The following MYO9A variants were observed in gnomAD, a reference collection of about 807,000 sequenced individuals.
MYO9A encodes unconventional myosin-IXa.
MYO9A carries 103 observed loss-of-function variants against 293.3 expected under a neutral mutation model. The observed-to-expected ratio is 0.35, with a 90% CI of 0.30 to 0.41. MYO9A has a LOEUF of 0.41. Ranked by LOEUF, MYO9A falls within the 10% of genes least tolerant of loss-of-function variation. The pLI is 1.00. For synonymous variants in MYO9A, 1,001 were observed against 1,035.7 expected (o/e 0.97, Z 0.64); for missense variants, 2,685 against 3,033.0 (o/e 0.89, Z 2.69).
At chr15:72,097,010 T>C (rs2080085195) in intron 1 of MYO9A, among the ~76,000 whole-genome samples, 1 of 152,234 alleles carries the variant, frequency 6.6e-6, no homozygotes, top group Non-Finnish European at 1.5e-5. Context: ...AGTGGTTTCT[T>C]GAGATAGAAT....
chr15:71,975,641 T>G (rs535950314), intron 12 of MYO9A, among the ~76,000 whole-genome samples: 5 of 152,150 alleles, frequency 3.3e-5, no homozygotes, highest in Admixed American at 1.3e-4. Context: ...TCTAATCTGA[T>G]TGTGAATCAA....
intron 12 of MYO9A, among the ~76,000 whole-genome samples, chr15:71,977,602 T>A (rs1421425726): frequency 1.3e-5 from 2 of 151,908 alleles, no homozygotes; most frequent in East Asian, 3.9e-4. Context: ...AAGCTCAATT[T>A]ACAAAGAAAG....
In MYO9A at chr15:71,999,906, G is replaced by T. The variant is rs770271737; in HGVS notation, c.1415C>A (p.Thr472Lys). 11 of 1,612,494 alleles carry T rather than the reference G, an allele frequency of 6.8e-6. No homozygotes were observed. The highest frequency in any genetic ancestry group is 2.2e-5 in the East Asian group (1 of 44,752). The change falls in exon 9 of 42, where the codon ACA becomes AAA. Residue 472 changes from threonine (T) to lysine (K), a missense_variant. Thr to Lys is a moderately conservative substitution (Grantham distance 78). Transcript: ENST00000356056. Reference protein sequence around the residue: ...KEEMLFEALVTRKTVTVGEKL... With the variant: ...KEEMLFEALVKRKTVTVGEKL... ...TTCTCCCACTGTCACCGTCTTCCTT[G>T]TAACTAATGCTTCAAATAGCATCTC...
At chr15:72,009,432 T>G (rs2077110346) in intron 7 of MYO9A, among the ~76,000 whole-genome samples, 1 of 151,960 alleles carries the variant, frequency 6.6e-6, no homozygotes, top group Non-Finnish European at 1.5e-5. Context: ...AGGTTAAAAA[T>G]TAACAACAGA....
At chr15:71,999,978 A>G (rs1408942500) in intron 8 of MYO9A, 38 bp from the exon 9 acceptor site, 6 of 1,520,276 alleles carry the variant, frequency 3.9e-6, no homozygotes, top group Non-Finnish European at 5.4e-6. Flanking sequence ...TGTAAGATTT[A>G]TGACAATAGG....
At chr15:72,073,212 T>C (rs1180121210) in intron 1 of MYO9A, among the ~76,000 whole-genome samples, 4 of 152,216 alleles carry the variant, frequency 2.6e-5, no homozygotes, top group African/African-American at 9.6e-5. Flanking sequence ...CATTAATACA[T>C]TCACCTCTAA....
At chr15:72,106,599 T>G (rs569258161) in intron 1 of MYO9A, among the ~76,000 whole-genome samples, 46 of 151,470 alleles carry the variant, frequency 3.0e-4, no homozygotes, top group South Asian at 6.3e-4. Context: ...AAATCAAGGG[T>G]TTTTTTTTAT....
intron 25 of MYO9A, 115 bp from the exon 26 acceptor site, chr15:71,893,893 G>A (rs376962014): frequency 1.4e-5 from 11 of 791,950 alleles, no homozygotes; most frequent in South Asian, 5.3e-5. Context: ...CAATTCCCAA[G>A]ACAATTAAGT....
chr15:71,905,857 T>C (rs2057620542), intron 19 of MYO9A, among the ~76,000 whole-genome samples: 1 of 151,904 alleles, frequency 6.6e-6, no homozygotes. Context: ...TTCATTTCAT[T>C]GAATTCTGCT....
At chr15:71,984,577 G>C (rs2076361947) in intron 11 of MYO9A, among the ~76,000 whole-genome samples, 1 of 151,912 alleles carries the variant, frequency 6.6e-6, no homozygotes, top group Non-Finnish European at 1.5e-5. Context: ...AATTCCTATG[G>C]CACATGTTAG....
intron 4 of MYO9A, among the ~76,000 whole-genome samples, chr15:72,027,495 A>T (rs1301364736): frequency 6.6e-6 from 1 of 152,222 alleles, no homozygotes; most frequent in Non-Finnish European, 1.5e-5. Flanking sequence ...AATGAGGAAC[A>T]ACTGAGAAAC....
At chr15:72,102,536 T>G (rs116223668) in intron 1 of MYO9A, among the ~76,000 whole-genome samples, 2,447 of 150,810 alleles carry the variant, frequency 0.016, 82 homozygotes, top group African/African-American at 0.058. Flanking sequence ...GATTAGGTGG[T>G]TCCATGGTGT....
At chr15:71,910,182 A>ATATATAT (rs1567260909) in intron 19 of MYO9A, among the ~76,000 whole-genome samples, 3 of 145,736 alleles carry the variant, frequency 2.1e-5, no homozygotes, top group Admixed American at 1.4e-4. Flanking sequence ...ATATATATAT[A>ATATATAT]AAATCAGAAA....
chr15:71,992,448 A>G (rs1204910204), intron 10 of MYO9A, among the ~76,000 whole-genome samples: 1 of 152,238 alleles, frequency 6.6e-6, no homozygotes, highest in African/African-American at 2.4e-5. Context: ...GAAAAATAGT[A>G]AGATCTTTTT....
intron 39 of MYO9A, among the ~76,000 whole-genome samples, chr15:71,846,738 T>C (rs893753513): frequency 3.4e-5 from 4 of 118,834 alleles, no homozygotes; most frequent in Non-Finnish European, 6.9e-5. Context: ...TCCACAAATA[T>C]TGGTGTTCTC....
At chr15:71,841,317 T>G (rs1299248534) in intron 39 of MYO9A, among the ~76,000 whole-genome samples, 1 of 152,240 alleles carries the variant, frequency 6.6e-6, no homozygotes, top group Admixed American at 6.5e-5. Flanking sequence ...ATCAGAATGC[T>G]TCCAGTGTTC....
In MYO9A at chr15:71,826,413, T is replaced by G. The variant is rs2054503053; in HGVS notation, c.*167A>C. Reference sequence around the variant, plus strand: ...CACCATCCCCAGCAGGCTTTCTGCTTCTGCAGGAGGCCCAGGAATTCAGCA... The same window carrying G: ...CACCATCCCCAGCAGGCTTTCTGCTGCTGCAGGAGGCCCAGGAATTCAGCA... On this transcript the variant is annotated 3_prime_UTR_variant, in exon 42 of 42. Transcript: ENST00000356056. 3 of 636,126 alleles carry G rather than the reference T, an allele frequency of 4.7e-6. No individual in the cohort carries two copies. Among genetic ancestry groups the G allele is most frequent in the East Asian group, 5.9e-5 (2 of 34,118 alleles). 39.4% of individuals were successfully genotyped at this position (636,126 alleles called of 1,614,324 possible). A position where few individuals can be genotyped will look rare whatever the true frequency, so the allele number is the denominator to read the frequency against.
Position 72,046,429 on chromosome 15 carries a change from C to T in MYO9A, c.135G>A (p.Val45=), listed in dbSNP as rs748082372. 2.5e-6 allele frequency: 4 copies of T among 1,614,202 alleles called. No individual in the cohort carries two copies. Among genetic ancestry groups the T allele is most frequent in the African/African-American group, 1.3e-5 (1 of 75,052 alleles). ...PARKNSTAAE[V]IESLINKLHL... is the part of the protein sequence containing the mutation. ...GAAGTTTGTTTATAAGAGACTCAAT[C>T]ACCTCAGCAGCTGTGGAGTTTTTTC... is the stretch of plus-strand genomic sequence containing the variant. Residue 45 remains valine (V), a synonymous_variant, in exon 2 of 42, where the codon GTG becomes GTA. Coordinates refer to ENST00000356056, the MANE Select transcript of MYO9A (RefSeq NM_006901.4).
chr15:71,949,795 C>T (rs2146491069), intron 15 of MYO9A, among the ~76,000 whole-genome samples: 1 of 151,966 alleles, frequency 6.6e-6, no homozygotes, highest in Admixed American at 6.6e-5. Context: ...GATTTTCCTC[C>T]TAAACCCCAA....
Sources: gnomAD v4.1 joint callset for allele counts (sites outside exome capture counted in the v4.1 genomes callset) on GRCh38, gnomAD v4.1.1 for gene constraint, MANE v1.5 for transcripts, NCBI Gene and HGNC (gene_info 2026-07-23, HGNC 2026-07-21) for gene names.